Variants in NTSR2 observed in about 807,000 individuals in gnomAD.
NTSR2 encodes neurotensin receptor 2, also known as neurotensin receptor type 2.
A neutral mutation model predicts 24.1 loss-of-function variants in NTSR2; 22 were observed. The observed-to-expected ratio is 0.91, with a 90% CI of 0.65 to 1.30. The LOEUF (loss-of-function observed/expected upper bound fraction) is 1.30, where lower values mean the gene tolerates loss of function less well. Ranked by LOEUF, NTSR2 falls within the 50% of genes most tolerant of loss-of-function variation. NTSR2 has a pLI of 0.00. For missense variants in NTSR2, 570 were observed against 570.4 expected (o/e 1.00, Z 0.01); for synonymous variants, 291 against 267.0 (o/e 1.09, Z -0.88).
Position 11,669,736 on chromosome 2 carries a change from C to T in NTSR2, c.394G>A (p.Glu132Lys), listed in dbSNP as rs1333424239. The T allele has an allele frequency of 4.6e-6, 7 of 1,532,218 alleles. No individual in the cohort carries two copies. Among genetic ancestry groups the T allele is most frequent in the East Asian group, 4.9e-5 (2 of 40,704 alleles). 94.9% of individuals were successfully genotyped at this position (1,532,218 alleles called of 1,614,324 possible). A position where few individuals can be genotyped will look rare whatever the true frequency, so the allele number is the denominator to read the frequency against. Residue 132 changes from glutamate (E) to lysine (K), a missense_variant, in exon 1 of 4, where the codon GAG becomes AAG. Glu to Lys is a moderately conservative substitution (Grantham distance 56). Coordinates refer to ENST00000306928, the MANE Select transcript of NTSR2 (RefSeq NM_012344.4). ...TVLSVAGLSAERCLAVCQPLR... is the reference protein window; with the variant it reads ...TVLSVAGLSAKRCLAVCQPLR... ...GGCTGGCACACGGCTAGGCAGCGCT[C>T]GGCGCTCAGGCCTGCCACGCTCAGC... is the stretch of plus-strand genomic sequence containing the variant.
At chr2:11,669,460 G>GGGGGGGGGGGGGGGGCCCCCCCCCCCC in intron 1 of NTSR2, 46 bp downstream of exon 1, 6 of 254,720 alleles carry the variant, frequency 2.4e-5, no homozygotes, top group African/African-American at 3.1e-5. Flanking sequence ...TCCCAGCACC[G>GGGGGGGGGGGGGGGGCCCCCCCCCCCC]CCCCCCCACC....
chr2:11,669,744 AG>A lies in NTSR2; in HGVS notation c.385del (p.Leu129Ter). On this transcript the variant is annotated frameshift_variant, in exon 1 of 4. Coordinates refer to ENST00000306928, the MANE Select transcript of NTSR2 (RefSeq NM_012344.4). LOFTEE classifies it high-confidence loss of function. ...AYATVLSVAG[L>X]SAERCLAVCQ... ...CACGGCTAGGCAGCGCTCGGCGCTCAGGCCTGCCACGCTCAGCACCGTGGCG... is the reference window on the plus strand; with the variant it reads ...CACGGCTAGGCAGCGCTCGGCGCTCAGCCTGCCACGCTCAGCACCGTGGCG... 1.3e-6 allele frequency: 2 copies of A among 1,534,948 alleles called. No individual in the cohort carries two copies. Among genetic ancestry groups the A allele is most frequent in the Non-Finnish European group, 1.7e-6 (2 of 1,146,612 alleles).
chr2:11,658,888 C>T (rs1237552688), intron 3 of NTSR2, among the ~76,000 whole-genome samples, 166 bp from the exon 4 acceptor site: 1 of 152,156 alleles, frequency 6.6e-6, no homozygotes, highest in African/African-American at 2.4e-5. Flanking sequence ...GAGACGGAGT[C>T]TTGCTCTGTC....
Position 11,669,569 on chromosome 2 carries a change from C to T in NTSR2, c.561G>A (p.Pro187=), listed in dbSNP as rs756526347. 1.7e-5 allele frequency: 27 copies of T among 1,569,800 alleles called. No homozygotes were observed. The highest frequency in any genetic ancestry group is 2.0e-5 in the Non-Finnish European group (23 of 1,165,998). ...KHELETADGE[P]EPASRVCTVL... is the part of the protein sequence containing the mutation. ...CCGTGCACACTCGCGAGGCGGGCTC[C>T]GGCTCCCCGTCCGCCGTCTCGAGTT... The change falls in exon 1 of 4, where the codon CCG becomes CCA. Residue 187 remains proline (P), a synonymous_variant. Coordinates refer to ENST00000306928, the MANE Select transcript of NTSR2 (RefSeq NM_012344.4).
In NTSR2 at chr2:11,660,080, G is replaced by A. The variant is rs770422482; in HGVS notation, c.952C>T (p.Leu318Phe). The change falls in exon 3 of 4, where the codon CTC becomes TTC. Residue 318 changes from leucine to phenylalanine, a missense_variant. Physicochemically the swap from Leu to Phe is conservative, Grantham distance 22. Transcript: ENST00000306928. ...ICWLPYHARR[L>F]MYCYVPDDAW... ...TCATCAGGTACGTAGCAGTACATGA[G>A]CCTGCGGGCATGGTACGGCAGCCAG... 4.3e-6 allele frequency: 7 copies of A among 1,613,976 alleles called. No individual in the cohort carries two copies. Among genetic ancestry groups the A allele is most frequent in the Non-Finnish European group, 5.9e-6 (7 of 1,180,006 alleles).
chr2:11,658,433 T>G lies in NTSR2; in HGVS notation c.*46A>C. On this transcript the variant is annotated 3_prime_UTR_variant, in exon 4 of 4. Coordinates refer to ENST00000306928, the MANE Select transcript of NTSR2 (RefSeq NM_012344.4). ...TTGCTCACCTGCTTTGCCAGGTGACTAAGCAGCTGGTCATTTTGCTTGTTC... is the reference window on the plus strand; with the variant it reads ...TTGCTCACCTGCTTTGCCAGGTGACGAAGCAGCTGGTCATTTTGCTTGTTC... 1.3e-6 allele frequency: 2 copies of G among 1,535,828 alleles called. No homozygotes were observed. The highest frequency in any genetic ancestry group is 1.8e-6 in the Non-Finnish European group (2 of 1,142,642).
At chr2:11,658,974 T>A (rs1661002549) in intron 3 of NTSR2, among the ~76,000 whole-genome samples, 2 of 152,042 alleles carry the variant, frequency 1.3e-5, no homozygotes, top group African/African-American at 4.8e-5. Flanking sequence ...CTGCCTACAG[T>A]CCTGAATAGC....
At position 11,663,113 on chromosome 2, in the gene NTSR2, A is replaced by G. The variant is rs529101511; in HGVS notation, c.625-873T>C. Among the ~76,000 whole-genome samples, 21 of 152,376 alleles carry G rather than the reference A, an allele frequency of 1.4e-4. No individual in the cohort carries two copies. In the South Asian group the frequency reaches 4.1e-3, roughly 30 times the overall value. Reference sequence around the variant, plus strand: ...ACCCAGCCATATTATGACAAACATGAGGATAAAAGAAAACAATTTTTGACA... The same window carrying G: ...ACCCAGCCATATTATGACAAACATGGGGATAAAAGAAAACAATTTTTGACA... On this transcript the variant is annotated intron_variant, in intron 1 of 3. Coordinates refer to ENST00000306928, the MANE Select transcript of NTSR2 (RefSeq NM_012344.4).
intron 1 of NTSR2, 46 bp downstream of exon 1, chr2:11,669,460 G>GGGGGGGGGGGGGGGCCCC: frequency 7.9e-5 from 20 of 254,714 alleles, no homozygotes; most frequent in East Asian, 1.1e-4. Flanking sequence ...TCCCAGCACC[G>GGGGGGGGGGGGGGGCCCC]CCCCCCCACC....
At chr2:11,666,318 T>C (rs566674593) in intron 1 of NTSR2, among the ~76,000 whole-genome samples, 2 of 152,320 alleles carry the variant, frequency 1.3e-5, no homozygotes, top group Non-Finnish European at 2.9e-5. Context: ...TTACTCATGC[T>C]CAAATTTTTA....
At position 11,665,076 on chromosome 2, in the gene NTSR2, T is replaced by G. The variant is rs1056677617; in HGVS notation, c.625-2836A>C. ...CACTGTTTTTTTTTTTTTTTTTTTT[T>G]TTTTTTTCCAAGCTTGTCTCCCAGT... On this transcript the variant is annotated intron_variant, in intron 1 of 3. Transcript: ENST00000306928. 1.0e-4 allele frequency among the ~76,000 whole-genome samples: 15 copies of G among 149,538 alleles called. No individual in the cohort carries two copies. The East Asian group carries it at 1.9e-3, about 19-fold the overall frequency.
chr2:11,660,213 G>T (rs528624989), intron 2 of NTSR2, 80 bp from the exon 3 acceptor site: 3 of 1,083,110 alleles, frequency 2.8e-6, no homozygotes, highest in South Asian at 1.3e-5. Flanking sequence ...AAGGGAGGCT[G>T]ATGCCCGAGG....
chr2:11,669,637 C>A lies in NTSR2; in HGVS notation c.493G>T (p.Gly165Cys). 1 of 1,563,528 alleles carries A rather than the reference C, an allele frequency of 6.4e-7. No individual in the cohort carries two copies. ...LVALSWAASL[G>C]LALPMAVIMG... The stretch of plus-strand genomic sequence containing the variant: ...ATGACGGCCATGGGCAGGGCGAGGC[C>A]GAGCGAGGCGGCCCACGAGAGCGCC... The change falls in exon 1 of 4, where the codon GGC (glycine) becomes TGC (cysteine). Residue 165 changes from glycine (G) to cysteine (C), a missense_variant. Gly to Cys is a radical substitution (Grantham distance 159). Transcript: ENST00000306928.
chr2:11,659,318 C>T (rs978370617), intron 3 of NTSR2, among the ~76,000 whole-genome samples: 2 of 152,236 alleles, frequency 1.3e-5, no homozygotes, highest in Admixed American at 6.5e-5. Flanking sequence ...GCCCCGGGTG[C>T]CCCGGACTGC....
At chr2:11,662,303 C>A in intron 1 of NTSR2, 63 bp from the exon 2 acceptor site, 1 of 1,420,300 alleles carries the variant, frequency 7.0e-7, no homozygotes, top group Non-Finnish European at 9.3e-7. Context: ...CGCCATCTGG[C>A]TGTGCCCCAG....
chr2:11,669,460 G>GGGGGGGGGGGGGGGGCCC, intron 1 of NTSR2, 46 bp downstream of exon 1: 13 of 254,724 alleles, frequency 5.1e-5, no homozygotes, highest in Non-Finnish European at 6.2e-5. Context: ...TCCCAGCACC[G>GGGGGGGGGGGGGGGGCCC]CCCCCCCACC....
chr2:11,669,495 CACG>C lies in NTSR2; in HGVS notation c.624+8_624+10del. ...CCCCCCTCCCCCGACTCCCGCTCTCCACGCCCTTACCTGGATAAAGACTTGGAG... is the reference window on the plus strand; with the variant it reads ...CCCCCCTCCCCCGACTCCCGCTCTCCCCCTTACCTGGATAAAGACTTGGAG... On this transcript the variant is annotated splice_region_variant and intron_variant, in intron 1 of 3. Coordinates refer to ENST00000306928, the MANE Select transcript of NTSR2 (RefSeq NM_012344.4). 1 of 1,334,038 alleles carries C rather than the reference CACG, an allele frequency of 7.5e-7. No homozygotes were observed. Among genetic ancestry groups the C allele is most frequent in the Middle Eastern group, 2.4e-4 (1 of 4,144 alleles). 82.6% of individuals were successfully genotyped at this position (1,334,038 alleles called of 1,614,324 possible).
Position 11,670,169 on chromosome 2 carries a change from G to A in NTSR2, c.-40C>T. The A allele has an allele frequency of 2.9e-6, 4 of 1,357,790 alleles. No homozygotes were observed. The highest frequency in any genetic ancestry group is 3.8e-6 in the Non-Finnish European group (4 of 1,063,116). The allele number at this position is 1,357,790 out of a possible 1,614,324, so 84.1% of individuals were successfully genotyped here. A position where few individuals can be genotyped will look rare whatever the true frequency, so the allele number is the denominator to read the frequency against. ...CGGCGCTCCCTCCCTCTCACTGCCC[G>A]GAGTCTGGGCGAGCTGCCTGGTTAG... is the stretch of plus-strand genomic sequence containing the variant. On this transcript the variant is annotated 5_prime_UTR_variant, in exon 1 of 4. Transcript: ENST00000306928.
chr2:11,665,634 A>C (rs995463025), intron 1 of NTSR2: 1 of 152,220 alleles, frequency 6.6e-6, no homozygotes, highest in Non-Finnish European at 1.5e-5. Context: ...CCCAGTGGTC[A>C]TGCAGGCAGC....
Sources: gnomAD v4.1 joint callset for allele counts (sites outside exome capture counted in the v4.1 genomes callset) on GRCh38, gnomAD v4.1.1 for gene constraint, MANE v1.5 for transcripts, NCBI Gene and HGNC (gene_info 2026-07-23, HGNC 2026-07-21) for gene names.